Variants in TTC39C observed in about 807,000 individuals in gnomAD.
The protein encoded by TTC39C is tetratricopeptide repeat protein 39C.
TTC39C carries 33 observed loss-of-function variants against 76.3 expected under a neutral mutation model. That is an observed-to-expected ratio of 0.43 (90% CI 0.33 to 0.58). The LOEUF (loss-of-function observed/expected upper bound fraction) is 0.58. Among genes scored for constraint, TTC39C ranks in the 20% least tolerant of loss-of-function variants. The probability of loss-of-function intolerance (pLI) is 0.04; values close to 1 mark genes in which losing one functional copy is unlikely to be tolerated. For missense variants in TTC39C, 595 were observed against 701.4 expected (o/e 0.85, Z 1.71); for synonymous variants, 254 against 260.6 (o/e 0.97, Z 0.24).
intron 1 of TTC39C, among the ~76,000 whole-genome samples, chr18:23,997,802 G>A (rs1414656352): frequency 6.6e-6 from 1 of 151,926 alleles, no homozygotes; most frequent in Non-Finnish European, 1.5e-5. Flanking sequence ...CTTGAGCCTA[G>A]GAGTTTAAGG....
upstream of TTC39C, among the ~76,000 whole-genome samples, chr18:24,011,561 A>C (rs2083393571): frequency 6.6e-6 from 1 of 152,128 alleles, no homozygotes; most frequent in Non-Finnish European, 1.5e-5. Context: ...CATTTTGTAA[A>C]ACTTCTCTAC....
At chr18:24,062,370 TCA>T (rs2084111868) in intron 1 of TTC39C, among the ~76,000 whole-genome samples, 1 of 152,238 alleles carries the variant, frequency 6.6e-6, no homozygotes. Context: ...GAATTCTGTG[TCA>T]TCCCTTCCTT....
At chr18:24,064,382 A>G (rs1568424190) in intron 2 of TTC39C, among the ~76,000 whole-genome samples, 194 bp downstream of exon 2, 1 of 152,240 alleles carries the variant, frequency 6.6e-6, no homozygotes, top group Non-Finnish European at 1.5e-5. Context: ...TAAAATGCTT[A>G]CATCTTATTT....
intron 6 of TTC39C, among the ~76,000 whole-genome samples, chr18:24,099,005 A>ATGTGTG (rs71373362): frequency 0.12 from 16,042 of 130,220 alleles, 1,037 homozygotes; most frequent in Middle Eastern, 0.16. Flanking sequence ...AGTTAGAGGA[A>ATGTGTG]TGTGTGTGTG....
intron 6 of TTC39C, among the ~76,000 whole-genome samples, chr18:24,104,731 T>G (rs1457958226): frequency 7.5e-6 from 1 of 133,772 alleles, no homozygotes; most frequent in African/African-American, 3.0e-5. Flanking sequence ...TGACTGTGCA[T>G]GTGTGTGTGT....
intron 1 of TTC39C, among the ~76,000 whole-genome samples, chr18:24,024,076 G>A (rs1394982932): frequency 2.2e-5 from 3 of 138,144 alleles, no homozygotes; most frequent in South Asian, 2.5e-4. Flanking sequence ...TGCAATGGCC[G>A]ATCTTGGCTC....
At chr18:24,023,867 G>A (rs2083545707) in intron 1 of TTC39C, among the ~76,000 whole-genome samples, 1 of 146,080 alleles carries the variant, frequency 6.8e-6, no homozygotes, top group East Asian at 2.0e-4. Flanking sequence ...AAATGAAATT[G>A]ATAGATGAAA....
At chr18:24,008,706 G>T (rs1383810869) in intron 1 of TTC39C, among the ~76,000 whole-genome samples, 1 of 152,082 alleles carries the variant, frequency 6.6e-6, no homozygotes, top group Non-Finnish European at 1.5e-5. Flanking sequence ...AATACAAATC[G>T]TTCTGTCATA....
At chr18:24,081,988 T>G (rs1332840389) in intron 5 of TTC39C, among the ~76,000 whole-genome samples, 1 of 151,868 alleles carries the variant, frequency 6.6e-6, no homozygotes, top group Non-Finnish European at 1.5e-5. Flanking sequence ...ATTTGACATG[T>G]TGGTTAAACA....
At chr18:24,003,942 A>C (rs2083332802) in intron 1 of TTC39C, among the ~76,000 whole-genome samples, 1 of 152,114 alleles carries the variant, frequency 6.6e-6, no homozygotes, top group African/African-American at 2.4e-5. Context: ...AAAGATGAGG[A>C]TCTCACTATG....
intron 4 of TTC39C, among the ~76,000 whole-genome samples, chr18:24,075,561 G>A (rs1222268063): frequency 6.6e-6 from 1 of 151,778 alleles, no homozygotes; most frequent in Admixed American, 6.6e-5. Flanking sequence ...GCGTGTGCCT[G>A]TAGTCCCAGC....
chr18:24,125,592 C>T lies in TTC39C; in HGVS notation c.1420+42C>T, dbSNP rs751040455. ...AACCCAAAACTGTCTACTGGACACA[C>T]TGGCTTCTTCTGTCAGTGCGGCATT... On this transcript the variant is annotated intron_variant, in intron 10 of 13. Transcript: ENST00000317571. The T allele has an allele frequency of 1.3e-5, 21 of 1,609,984 alleles. No homozygotes were observed. The African/African-American group carries it at 2.8e-4, about 22-fold the overall frequency.
chr18:24,009,380 G>A (rs17259583), intron 1 of TTC39C, among the ~76,000 whole-genome samples: 9,562 of 152,144 alleles, frequency 0.063, 600 homozygotes, highest in Admixed American at 0.16. Flanking sequence ...AACCAGAGAC[G>A]GCCTCTCCCT....
chr18:24,093,275 C>T (rs568347525), intron 6 of TTC39C, among the ~76,000 whole-genome samples: 8 of 152,166 alleles, frequency 5.3e-5, no homozygotes, highest in South Asian at 2.1e-4. Flanking sequence ...GTCAGGAGAT[C>T]GAGACCATCC....
chr18:24,084,484 CA>C (rs141504405), intron 6 of TTC39C, among the ~76,000 whole-genome samples: 7,312 of 152,106 alleles, frequency 0.048, 251 homozygotes, highest in African/African-American at 0.09. Context: ...GACTCCATCT[CA>C]AAAATAAATA....
At position 24,023,964 on chromosome 18, in the gene TTC39C, A is replaced by ATATATATATACG. The variant is rs1568408830; in HGVS notation, c.167+8936_167+8937insCGTATATATATA. On this transcript the variant is annotated intron_variant, in intron 1 of 13. Transcript: ENST00000317571. Reference sequence around the variant, plus strand: ...TATATATGCATGTATATATATATATATATATATATATATATACATATATAT... The same window carrying ATATATATATACG: ...TATATATGCATGTATATATATATATATATATATATACGTATATATATATATATACATATATAT... 6.9e-4 allele frequency among the ~76,000 whole-genome samples: 7 copies of ATATATATATACG among 10,206 alleles called. 1 individual carries two copies. Among genetic ancestry groups the ATATATATATACG allele is most frequent in the African/African-American group, 1.2e-3 (7 of 5,906 alleles). 6.7% of individuals were successfully genotyped at this position (10,206 alleles called of 152,430 possible).
intron 6 of TTC39C, among the ~76,000 whole-genome samples, chr18:24,092,123 A>AAAAAATAAT (rs1555775346): frequency 2.0e-5 from 1 of 50,530 alleles, no homozygotes; most frequent in African/African-American, 5.0e-5. Flanking sequence ...AAAAAAAAAA[A>AAAAAATAAT]AATAATAATA....
intron 1 of TTC39C, among the ~76,000 whole-genome samples, chr18:24,005,493 C>A (rs781411110): frequency 1.3e-5 from 2 of 152,016 alleles, no homozygotes; most frequent in African/African-American, 4.8e-5. Context: ...GATTAAAATT[C>A]TTTTTCAATT....
At chr18:24,071,046 A>C (rs2084234607) in intron 4 of TTC39C, among the ~76,000 whole-genome samples, 2 of 151,828 alleles carry the variant, frequency 1.3e-5, no homozygotes, top group South Asian at 4.2e-4. Context: ...CTCCTGCCTC[A>C]GCCTCCAGAG....
Sources: gnomAD v4.1 joint callset for allele counts (sites outside exome capture counted in the v4.1 genomes callset) on GRCh38, gnomAD v4.1.1 for gene constraint, MANE v1.5 for transcripts, NCBI Gene and HGNC (gene_info 2026-07-23, HGNC 2026-07-21) for gene names.